Variants in USP22 observed in about 807,000 individuals in gnomAD.
The protein encoded by USP22 is ubiquitin carboxyl-terminal hydrolase 22.
In USP22, 22 loss-of-function variants were observed where a neutral mutation model predicts 68.1. The observed-to-expected ratio is 0.32, with a 90% confidence interval of 0.23 to 0.46. USP22 has a LOEUF of 0.46. Ranked by LOEUF, USP22 falls within the 20% of genes least tolerant of loss-of-function variation. The probability of loss-of-function intolerance (pLI) is 1.00; values close to 1 mark genes in which losing one functional copy is unlikely to be tolerated. For missense variants in USP22, 433 were observed against 695.8 expected, an observed-to-expected ratio of 0.62 and a Z score of 4.25; for synonymous variants, 279 against 274.2, an observed-to-expected ratio of 1.02 and a Z score of -0.17.
At chr17:21,020,418 G>GT (rs1451447376) in intron 3 of USP22, among the ~76,000 whole-genome samples, 1 of 151,996 alleles carries the variant, frequency 6.6e-6, no homozygotes, top group African/African-American at 2.4e-5. Flanking sequence ...TGCGAGAGCC[G>GT]TGAGGGCAGC....
At chr17:21,029,864 T>C (rs1972267081) in intron 1 of USP22, among the ~76,000 whole-genome samples, 1 of 152,208 alleles carries the variant, frequency 6.6e-6, no homozygotes, top group Non-Finnish European at 1.5e-5. Context: ...ACTCAGGACG[T>C]TGCCAGGGGC....
chr17:21,027,303 A>AAAAAAAAAAAAAAAAAAC (rs1259740503), intron 2 of USP22, among the ~76,000 whole-genome samples: 1 of 144,642 alleles, frequency 6.9e-6, no homozygotes, highest in Non-Finnish European at 1.6e-5. Flanking sequence ...AAAAAAAAAA[A>AAAAAAAAAAAAAAAAAAC]AAAAAAATCA....
At position 21,011,193 on chromosome 17, in the gene USP22, C is replaced by T. The variant is rs1913959857; in HGVS notation, c.1061G>A (p.Ser354Asn). 1 of 1,612,162 alleles carries T rather than the reference C, an allele frequency of 6.2e-7. No homozygotes were observed. The highest frequency in any genetic ancestry group is 1.3e-5 in the African/African-American group (1 of 74,918). ...GAGCGTGGTGGTTCCCGACACGTGG[C>T]TTTCCCCGTTTACCACGTTGCCCTC... The part of the protein sequence containing the change: ...GSEGNVVNGE[S>N]HVSGTTTLTD... The change falls in exon 8 of 13, where the codon AGC becomes AAC. Residue 354 changes from serine to asparagine, a missense_variant. This residue lies in a region of USP22 where 178 missense variants were observed against 351.5 expected (regional missense o/e 0.51). Transcript: ENST00000261497.
At chr17:21,013,034 G>C in intron 6 of USP22, 99 bp from the exon 7 acceptor site, 1 of 1,116,458 alleles carries the variant, frequency 9.0e-7, no homozygotes, top group Non-Finnish European at 1.3e-6. Flanking sequence ...GGGAGCCAGG[G>C]CCAACGCTTT....
At chr17:21,041,251 T>C (rs976910805) in intron 1 of USP22, among the ~76,000 whole-genome samples, 4 of 152,206 alleles carry the variant, frequency 2.6e-5, no homozygotes, top group Non-Finnish European at 2.9e-5. Context: ...AAACGTTTTA[T>C]GTCTGATTTT....
chr17:21,023,887 T>C (rs1165196193), intron 2 of USP22, among the ~76,000 whole-genome samples: 2 of 152,300 alleles, frequency 1.3e-5, no homozygotes, highest in African/African-American at 4.8e-5. Context: ...TGTGTGATGA[T>C]TAGGTTAGTA....
intron 9 of USP22, 111 bp downstream of exon 9, chr17:21,007,759 G>T: frequency 2.2e-6 from 3 of 1,367,756 alleles, no homozygotes; most frequent in Non-Finnish European, 3.1e-6. Context: ...TGTTCTTCCT[G>T]CTTGCTGCAA....
chr17:21,018,686 A>G (rs1276372527), intron 4 of USP22, among the ~76,000 whole-genome samples: 1 of 149,514 alleles, frequency 6.7e-6, no homozygotes, highest in East Asian at 1.9e-4. Flanking sequence ...CAACAGAGCA[A>G]GACTCTGTCT....
At chr17:21,009,495 T>TC (rs1913880837) in intron 8 of USP22, among the ~76,000 whole-genome samples, 1 of 152,070 alleles carries the variant, frequency 6.6e-6, no homozygotes, top group African/African-American at 2.4e-5. Context: ...TCCTCCACCT[T>TC]CCCGGGAGTC....
chr17:21,033,536 G>A (rs1972317721), intron 1 of USP22, among the ~76,000 whole-genome samples: 1 of 152,056 alleles, frequency 6.6e-6, no homozygotes, highest in Non-Finnish European at 1.5e-5. Flanking sequence ...TACCCTATGG[G>A]ATGACTCAAC....
intron 7 of USP22, chr17:21,011,617 T>G: frequency 3.0e-6 from 1 of 331,734 alleles, no homozygotes. Flanking sequence ...TCATGGGCCC[T>G]GTCAGAGGCT....
intron 5 of USP22, among the ~76,000 whole-genome samples, chr17:21,017,377 G>A (rs959859539): frequency 5.9e-5 from 9 of 152,242 alleles, no homozygotes; most frequent in East Asian, 1.9e-4. Context: ...TCTAGGTCAC[G>A]GAGCCGGTGA....
chr17:21,028,034 A>T (rs1473101406), intron 2 of USP22, among the ~76,000 whole-genome samples: 1 of 152,184 alleles, frequency 6.6e-6, no homozygotes, highest in East Asian at 1.9e-4. Context: ...AATGAGTTTG[A>T]TTTTGTAAGG....
chr17:21,012,706 A>C, intron 7 of USP22, 124 bp downstream of exon 7: 2 of 860,000 alleles, frequency 2.3e-6, no homozygotes, highest in East Asian at 2.6e-5. Flanking sequence ...CATGGCGTCT[A>C]TTAATCATTT....
chr17:21,005,548 C>G (rs932659381), intron 10 of USP22, among the ~76,000 whole-genome samples: 4 of 152,178 alleles, frequency 2.6e-5, no homozygotes, highest in Middle Eastern at 6.3e-3. Context: ...CTTTGAGACC[C>G]TGACCTTAGA....
intron 8 of USP22, among the ~76,000 whole-genome samples, chr17:21,010,456 C>T (rs1597689952): frequency 6.6e-6 from 1 of 152,006 alleles, no homozygotes. Flanking sequence ...GTGGGTGAAT[C>T]ACCTGATATC....
intron 1 of USP22, 71 bp downstream of exon 1, chr17:21,042,594 C>T: frequency 2.4e-6 from 3 of 1,252,944 alleles, no homozygotes; most frequent in South Asian, 2.7e-5. Context: ...AGGAAAAGGG[C>T]CCCTCCGCCG....
chr17:21,014,596 G>A (rs1271280036), intron 6 of USP22, among the ~76,000 whole-genome samples: 2 of 152,140 alleles, frequency 1.3e-5, no homozygotes, highest in East Asian at 1.9e-4. Flanking sequence ...TCAACTGTGG[G>A]TTGTTTCTGG....
intron 1 of USP22, among the ~76,000 whole-genome samples, chr17:21,040,649 G>C (rs557322806): frequency 4.6e-5 from 7 of 152,212 alleles, no homozygotes; most frequent in South Asian, 4.1e-4. Flanking sequence ...GGCAAAGTTA[G>C]TTAATGATGG....
Sources: allele counts gnomAD v4.1 joint callset (sites outside exome capture counted in the v4.1 genomes callset), GRCh38; gene constraint gnomAD v4.1.1; regional missense constraint gnomAD v4.1.1; transcripts MANE v1.5; gene names NCBI Gene and HGNC (gene_info 2026-07-23, HGNC 2026-07-21).